XKR9: variants seen among roughly 807,000 people sequenced by gnomAD.
XKR9 encodes XK-related protein 9.
XKR9 carries 32 observed loss-of-function variants against 32.0 expected under a neutral mutation model. The ratio of observed to expected loss-of-function variants is 1.00; its 90% CI spans 0.76 to 1.34. The LOEUF is 1.34. Among genes scored for constraint, XKR9 ranks in the 40% most tolerant of loss-of-function variants. The probability of loss-of-function intolerance (pLI) is 0.00; values close to 1 mark genes in which losing one functional copy is unlikely to be tolerated. For missense variants in XKR9, 546 were observed against 429.7 expected, an observed-to-expected ratio of 1.27 and a Z score of -2.39; for synonymous variants, 168 against 143.4, an observed-to-expected ratio of 1.17 and a Z score of -1.22.
intron 3 of XKR9, among the ~76,000 whole-genome samples, chr8:70,701,276 C>T (rs531887308): frequency 1.5e-3 from 228 of 152,324 alleles, no homozygotes; most frequent in Non-Finnish European, 1.8e-3. Context: ...CCATCTTCTG[C>T]GTCACTCACG....
chr8:70,898,554 T>A, the XKR9 span, among the ~76,000 whole-genome samples: 1 of 152,204 alleles, frequency 6.6e-6, no homozygotes, highest in East Asian at 1.9e-4. Flanking sequence ...TATTTTCTAA[T>A]TTTCTTTGAG....
the XKR9 span, among the ~76,000 whole-genome samples, chr8:70,960,889 A>G: frequency 1.4e-5 from 2 of 148,036 alleles, no homozygotes; most frequent in Non-Finnish European, 3.0e-5. Flanking sequence ...AAAAAAAAAA[A>G]GAAGGAAAGG....
At chr8:71,044,322 C>T in the XKR9 span, among the ~76,000 whole-genome samples, 2 of 152,108 alleles carry the variant, frequency 1.3e-5, no homozygotes, top group Non-Finnish European at 1.5e-5. Flanking sequence ...TCAGCTGTTG[C>T]GATCGCTCAG....
the XKR9 span, among the ~76,000 whole-genome samples, chr8:70,955,149 C>A: frequency 2.6e-5 from 4 of 152,200 alleles, no homozygotes; most frequent in African/African-American, 9.7e-5. Flanking sequence ...AATTAGTTAA[C>A]CTCCTTGGGT....
chr8:70,808,151 C>G, the XKR9 span, among the ~76,000 whole-genome samples: 1 of 152,114 alleles, frequency 6.6e-6, no homozygotes, highest in Admixed American at 6.5e-5. Flanking sequence ...ATTGAACAAC[C>G]TGCTCCTGAA....
the XKR9 span, among the ~76,000 whole-genome samples, chr8:70,841,325 A>G: frequency 6.6e-6 from 1 of 152,060 alleles, no homozygotes; most frequent in Non-Finnish European, 1.5e-5. Context: ...GATTTCTGTG[A>G]TTTTTCTGTT....
chr8:70,902,713 A>C, the XKR9 span, among the ~76,000 whole-genome samples: 2 of 152,212 alleles, frequency 1.3e-5, no homozygotes, highest in Non-Finnish European at 2.9e-5. Context: ...GCCAGTTTTC[A>C]AAGGGAATGC....
the XKR9 span, among the ~76,000 whole-genome samples, chr8:70,820,588 GT>G: frequency 3.9e-5 from 6 of 152,260 alleles, no homozygotes; most frequent in South Asian, 4.2e-4. Context: ...GGTAATTTAT[GT>G]TTGGAAAGGA....
chr8:71,062,230 A>G, the XKR9 span, among the ~76,000 whole-genome samples: 1 of 152,138 alleles, frequency 6.6e-6, no homozygotes, highest in African/African-American at 2.4e-5. Context: ...AAAGAGTTTC[A>G]TAGTCTATTC....
chr8:70,740,606 T>G (rs1460654121), downstream of XKR9, among the ~76,000 whole-genome samples: 1 of 151,912 alleles, frequency 6.6e-6, no homozygotes, highest in Non-Finnish European at 1.5e-5. Flanking sequence ...TTTATCTACT[T>G]TTGGTCTTTG....
At chr8:70,939,978 T>C in the XKR9 span, among the ~76,000 whole-genome samples, 2 of 152,076 alleles carry the variant, frequency 1.3e-5, no homozygotes, top group African/African-American at 4.8e-5. Flanking sequence ...TACACAACTT[T>C]GTGTAATTTA....
At chr8:70,889,331 G>C in the XKR9 span, among the ~76,000 whole-genome samples, 1 of 151,518 alleles carries the variant, frequency 6.6e-6, no homozygotes, top group Admixed American at 6.6e-5. Context: ...CAATTTGTCA[G>C]TTCTAAGAGT....
the XKR9 span, among the ~76,000 whole-genome samples, chr8:71,004,790 C>T: frequency 2.0e-5 from 3 of 152,052 alleles, no homozygotes; most frequent in African/African-American, 2.4e-5. Flanking sequence ...TGGGGAAAAA[C>T]GGTATCTATC....
the XKR9 span, among the ~76,000 whole-genome samples, chr8:70,918,659 C>G: frequency 6.6e-6 from 1 of 151,518 alleles, no homozygotes. Context: ...TGCCACTGCA[C>G]TCCAGCCTGG....
the XKR9 span, among the ~76,000 whole-genome samples, chr8:70,823,131 T>C: frequency 1.3e-5 from 2 of 152,216 alleles, no homozygotes; most frequent in Non-Finnish European, 1.5e-5. Context: ...GAAGAGATGA[T>C]ATCTTTTGTG....
chr8:70,807,434 G>A, the XKR9 span, among the ~76,000 whole-genome samples: 2 of 152,128 alleles, frequency 1.3e-5, no homozygotes, highest in Non-Finnish European at 2.9e-5. Context: ...AAATGTAAAT[G>A]GGCTAAACGG....
the XKR9 span, among the ~76,000 whole-genome samples, chr8:70,886,610 T>C: frequency 2.6e-5 from 4 of 152,206 alleles, no homozygotes; most frequent in African/African-American, 9.7e-5. Flanking sequence ...TATCTCATTG[T>C]GGTTTTGATT....
chr8:70,973,693 A>T, the XKR9 span, among the ~76,000 whole-genome samples: 1 of 152,158 alleles, frequency 6.6e-6, no homozygotes, highest in Non-Finnish European at 1.5e-5. Context: ...AAGCTTTTAA[A>T]TCTCCATCTT....
chr8:70,853,937 T>C, the XKR9 span, among the ~76,000 whole-genome samples: 2 of 152,238 alleles, frequency 1.3e-5, no homozygotes, highest in African/African-American at 2.4e-5. Context: ...TTGTTGGACG[T>C]TTGGGTTGGT....
Sources: gnomAD v4.1 joint callset for allele counts (sites outside exome capture counted in the v4.1 genomes callset) on GRCh38, gnomAD v4.1.1 for gene constraint, MANE v1.5 for transcripts, NCBI Gene and HGNC (gene_info 2026-07-23, HGNC 2026-07-21) for gene names.